Variants in EYA4 observed in about 807,000 individuals in gnomAD.
EYA4 encodes protein phosphatase EYA4.
In EYA4, 31 loss-of-function variants were observed where a neutral mutation model predicts 87.9. The observed-to-expected ratio is 0.35, with a 90% CI of 0.27 to 0.48. EYA4 has a LOEUF of 0.48. EYA4 is among the 20% of genes least tolerant of loss of function. EYA4 has a pLI of 0.99. For synonymous variants in EYA4, 263 were observed against 270.6 expected (o/e 0.97, Z 0.28); for missense variants, 678 against 761.4 (o/e 0.89, Z 1.29).
intron 3 of EYA4, among the ~76,000 whole-genome samples, chr6:133,406,021 T>TCTAC (rs66820519): frequency 2.0e-4 from 30 of 151,000 alleles, no homozygotes; most frequent in Middle Eastern, 3.4e-3. Flanking sequence ...TATCTATCTA[T>TCTAC]CTACCTACCT....
At chr6:133,515,140 C>T (rs112959804) in intron 16 of EYA4, among the ~76,000 whole-genome samples, 181 bp from the exon 17 acceptor site, 1 of 152,268 alleles carries the variant, frequency 6.6e-6, no homozygotes, top group African/African-American at 2.4e-5. Flanking sequence ...TATTCATTGA[C>T]GGAATCAATG....
chr6:133,401,837 C>T (rs996644989), intron 3 of EYA4, among the ~76,000 whole-genome samples: 1 of 152,174 alleles, frequency 6.6e-6, no homozygotes, highest in Non-Finnish European at 1.5e-5. Context: ...GGGCTCACCC[C>T]TCTCAGGATC....
intron 4 of EYA4, 67 bp downstream of exon 4, chr6:133,446,821 A>C: frequency 1.4e-6 from 2 of 1,386,714 alleles, no homozygotes; most frequent in Non-Finnish European, 2.0e-6. Flanking sequence ...TACTTCTTAG[A>C]GATCTGCTAA....
chr6:133,274,890 G>T (rs977385813), intron 2 of EYA4, 77 bp downstream of exon 2: 1 of 1,066,032 alleles, frequency 9.4e-7, no homozygotes, highest in Non-Finnish European at 1.5e-6. Flanking sequence ...GAGATATATT[G>T]TAAGAAGTAA....
At chr6:133,287,402 G>A (rs1347450719) in intron 2 of EYA4, among the ~76,000 whole-genome samples, 2 of 152,150 alleles carry the variant, frequency 1.3e-5, no homozygotes, top group Admixed American at 6.5e-5. Context: ...GGGAATATCA[G>A]GCATAAAAGC....
rs188592022 is a variant in EYA4, at chr6:133,424,815, C to T, written c.84-21815C>T. ...CTTGGATCCACAGCCGCAGTTTGGG[C>T]GGCTACAGTGGCATCCAGGGAGCTC... On this transcript the variant is annotated intron_variant, in intron 3 of 19. Transcript: ENST00000355286. Among the ~76,000 whole-genome samples the T allele has an allele frequency of 4.3e-3, 655 of 150,896 alleles. 47 individuals are homozygous for T. Among genetic ancestry groups the T allele is most frequent in the African/African-American group, 0.015 (593 of 40,410 alleles).
At chr6:133,284,754 G>A (rs1207675336) in intron 2 of EYA4, among the ~76,000 whole-genome samples, 1 of 152,176 alleles carries the variant, frequency 6.6e-6, no homozygotes, top group Non-Finnish European at 1.5e-5. Context: ...TATTTGTGGA[G>A]CACTGCTATA....
intron 2 of EYA4, among the ~76,000 whole-genome samples, chr6:133,293,024 C>T (rs956903138): frequency 6.6e-6 from 1 of 152,164 alleles, no homozygotes; most frequent in Admixed American, 6.5e-5. Flanking sequence ...TGGTCATCTT[C>T]CCCCCAGGGG....
At chr6:133,273,395 G>C (rs886129134) in intron 1 of EYA4, among the ~76,000 whole-genome samples, 9 of 152,038 alleles carry the variant, frequency 5.9e-5, no homozygotes, top group Non-Finnish European at 1.2e-4. Context: ...TCAGCCCACT[G>C]ACTCAAAATG....
chr6:133,449,559 G>A (rs1347058264), intron 5 of EYA4, among the ~76,000 whole-genome samples: 2 of 152,194 alleles, frequency 1.3e-5, no homozygotes, highest in Non-Finnish European at 2.9e-5. Flanking sequence ...GTCCATGGGA[G>A]AAGAACAAGG....
intron 3 of EYA4, among the ~76,000 whole-genome samples, chr6:133,427,852 A>G (rs1790809917): frequency 6.6e-6 from 1 of 151,974 alleles, no homozygotes; most frequent in Admixed American, 6.5e-5. Flanking sequence ...GTATATACCT[A>G]GGGCTGAGTG....
chr6:133,375,259 G>T (rs1201581213), intron 2 of EYA4, among the ~76,000 whole-genome samples: 3 of 151,878 alleles, frequency 2.0e-5, no homozygotes, highest in East Asian at 1.9e-4. Context: ...ATAATCATAG[G>T]TTATCACAGT....
At chr6:133,389,505 C>T (rs1003857693) in intron 3 of EYA4, among the ~76,000 whole-genome samples, 2 of 152,144 alleles carry the variant, frequency 1.3e-5, no homozygotes, top group African/African-American at 4.8e-5. Context: ...ATAGCAGGTC[C>T]CCAGTACATA....
Position 133,529,858 on chromosome 6 carries a change from G to GT in EYA4, c.*1057dup. On this transcript the variant is annotated 3_prime_UTR_variant, in exon 20 of 20. Transcript: ENST00000355286. Reference sequence around the variant, plus strand: ...AGCCATATTCATGACAACTTGCACAGTTTTGAGGTTGAGACTTTTGATATG... The same window carrying GT: ...AGCCATATTCATGACAACTTGCACAGTTTTTGAGGTTGAGACTTTTGATATG... The GT allele has an allele frequency of 1.0e-6, 1 of 985,424 alleles. No homozygotes were observed. Among genetic ancestry groups the GT allele is most frequent in the Non-Finnish European group, 1.2e-6 (1 of 829,938 alleles). 61.0% of individuals were successfully genotyped at this position (985,424 alleles called of 1,614,324 possible). A position where few individuals can be genotyped will look rare whatever the true frequency, so the allele number is the denominator to read the frequency against.
intron 2 of EYA4, among the ~76,000 whole-genome samples, chr6:133,350,000 TGA>T (rs1783516841): frequency 6.6e-6 from 1 of 152,110 alleles, no homozygotes; most frequent in Non-Finnish European, 1.5e-5. Context: ...TAAAATAACT[TGA>T]GTAGAAAATG....
intron 3 of EYA4, among the ~76,000 whole-genome samples, chr6:133,424,281 A>G (rs1790458161): frequency 6.6e-6 from 1 of 152,114 alleles, no homozygotes; most frequent in South Asian, 2.1e-4. Context: ...GGTGGCCCAG[A>G]AGAGGCACCA....
chr6:133,395,502 G>T (rs1787706505), intron 3 of EYA4, among the ~76,000 whole-genome samples: 1 of 152,194 alleles, frequency 6.6e-6, no homozygotes, highest in African/African-American at 2.4e-5. Context: ...GCTCCCGCCT[G>T]TAATCCCAGC....
At chr6:133,407,439 TACTC>T (rs1248519139) in intron 3 of EYA4, among the ~76,000 whole-genome samples, 1 of 152,050 alleles carries the variant, frequency 6.6e-6, no homozygotes, top group African/African-American at 2.4e-5. Context: ...CTTTGGCTGT[TACTC>T]ACTCACCCCC....
At chr6:133,250,532 C>T (rs1009002529) in intron 1 of EYA4, among the ~76,000 whole-genome samples, 1 of 152,064 alleles carries the variant, frequency 6.6e-6, no homozygotes, top group Non-Finnish European at 1.5e-5. Flanking sequence ...ATCCCAGCTA[C>T]TCGGGAGGCT....
Sources: allele counts gnomAD v4.1 joint callset (sites outside exome capture counted in the v4.1 genomes callset), GRCh38; gene constraint gnomAD v4.1.1; transcripts MANE v1.5; gene names NCBI Gene and HGNC (gene_info 2026-07-23, HGNC 2026-07-21).